Variants in DMXL2 observed in about 807,000 individuals in gnomAD.
DMXL2 encodes Dmx like 2, also known as dmX-like protein 2.
In DMXL2, 103 loss-of-function variants were observed where a neutral mutation model predicts 331.1. That is an observed-to-expected ratio of 0.31 (90% CI 0.27 to 0.37). The LOEUF is 0.37. Ranked by LOEUF, DMXL2 falls within the 10% of genes least tolerant of loss-of-function variation. DMXL2 has a pLI of 1.00. For synonymous variants in DMXL2, 1,281 were observed against 1,252.1 expected, an observed-to-expected ratio of 1.02 and a Z score of -0.49; for missense variants, 3,171 against 3,642.9, an observed-to-expected ratio of 0.87 and a Z score of 3.33.
At chr15:51,553,037 G>C (rs1415333598) in intron 6 of DMXL2, among the ~76,000 whole-genome samples, 1 of 152,172 alleles carries the variant, frequency 6.6e-6, no homozygotes, top group Non-Finnish European at 1.5e-5. Context: ...TCAATTCTCA[G>C]TTTAAAGGTT....
At chr15:51,597,184 AAAG>A (rs1328394965) in intron 1 of DMXL2, among the ~76,000 whole-genome samples, 1 of 152,196 alleles carries the variant, frequency 6.6e-6, no homozygotes, top group African/African-American at 2.4e-5. Flanking sequence ...CATCCTCCAC[AAAG>A]AATAAATTAA....
At chr15:51,544,940 T>G (rs888979613) in intron 8 of DMXL2, among the ~76,000 whole-genome samples, 1 of 152,034 alleles carries the variant, frequency 6.6e-6, no homozygotes, top group Non-Finnish European at 1.5e-5. Context: ...TTCTGACAAT[T>G]CAAAATAATG....
In DMXL2 at chr15:51,456,295, T is replaced by A. The variant is rs1413398114; in HGVS notation, c.8398+14A>T. The A allele has an allele frequency of 6.3e-7, 1 of 1,595,594 alleles. No homozygotes were observed. The highest frequency in any genetic ancestry group is 2.2e-5 in the East Asian group (1 of 44,796). On this transcript the variant is annotated intron_variant, in intron 38 of 43. Coordinates refer to ENST00000560891, the MANE Select transcript of DMXL2 (RefSeq NM_001378457.1). ...AATGAGGACACTTACAATTATTAGG[T>A]CATAAATACTTACAGTATTGATGGA...
Position 51,481,214 on chromosome 15 carries a change from C to G in DMXL2, c.5892G>C (p.Gln1964His), listed in dbSNP as rs2041984666. ...GTTCCTCATCAACTTTTACTATTGG[C>G]TGACTCCAGTCATACTGTGATGAAG... ...NVTSSQYDWSQPIVKVDEEPL... is the reference protein window; with the variant it reads ...NVTSSQYDWSHPIVKVDEEPL... The change falls in exon 24 of 44, where the codon CAG becomes CAC. Residue 1964 changes from glutamine to histidine, a missense_variant. Around this residue, in one of 7 missense-constraint regions of DMXL2, gnomAD observed 244 missense variants for 251.4 expected, o/e 0.97. Transcript: ENST00000560891. 6.2e-7 allele frequency: 1 copy of G among 1,613,826 alleles called. No individual in the cohort carries two copies. The highest frequency in any genetic ancestry group is 8.5e-7 in the Non-Finnish European group (1 of 1,179,908).
intron 22 of DMXL2, among the ~76,000 whole-genome samples, chr15:51,486,598 G>T (rs1045069464): frequency 1.3e-5 from 2 of 152,042 alleles, no homozygotes; most frequent in African/African-American, 4.8e-5. Flanking sequence ...TCAGACTTAA[G>T]ATCAACTTAA....
intron 19 of DMXL2, among the ~76,000 whole-genome samples, chr15:51,493,567 T>C (rs1329829589): frequency 6.6e-6 from 1 of 152,202 alleles, no homozygotes; most frequent in African/African-American, 2.4e-5. Context: ...TCAGCTTTTC[T>C]ATCTATGTAC....
At position 51,496,336 on chromosome 15, in the gene DMXL2, T is replaced by C. The variant is rs1187694493; in HGVS notation, c.4673-1202A>G. Among the ~76,000 whole-genome samples, 10 of 152,238 alleles carry C rather than the reference T, an allele frequency of 6.6e-5. No homozygotes were observed. In the East Asian group the frequency reaches 1.2e-3, roughly 18 times the overall value. The stretch of plus-strand genomic sequence containing the variant: ...AGGGAAATAAAGCAGGACTGAGAGA[T>C]AGGGAATGCTGGAGTAAGAGAGTTC... On this transcript the variant is annotated intron_variant, in intron 18 of 43. Transcript: ENST00000560891.
At position 51,554,324 on chromosome 15, in the gene DMXL2, A is replaced by G. The variant is rs1170037294; in HGVS notation, c.568-6916T>C. ...AAATATGAGTAACAAAAAAAAGACAAATCTGTGAGTTTTTTCAGTCAAATT... is the reference window on the plus strand; with the variant it reads ...AAATATGAGTAACAAAAAAAAGACAGATCTGTGAGTTTTTTCAGTCAAATT... On this transcript the variant is annotated intron_variant, in intron 6 of 43. Transcript: ENST00000560891. Among the ~76,000 whole-genome samples the G allele has an allele frequency of 6.6e-5, 10 of 152,320 alleles. No individual in the cohort carries two copies. In the South Asian group the frequency reaches 1.2e-3, roughly 19 times the overall value.
chr15:51,538,927 C>T (rs977882183), intron 9 of DMXL2, among the ~76,000 whole-genome samples: 1 of 152,090 alleles, frequency 6.6e-6, no homozygotes, highest in Non-Finnish European at 1.5e-5. Context: ...GAAAACATTT[C>T]GACCATGTGC....
intron 6 of DMXL2, among the ~76,000 whole-genome samples, chr15:51,556,170 C>T (rs906227754): frequency 2.6e-5 from 4 of 151,272 alleles, no homozygotes; most frequent in Non-Finnish European, 5.9e-5. Flanking sequence ...GGTGAAACCC[C>T]GTCTCTACTA....
intron 1 of DMXL2, among the ~76,000 whole-genome samples, chr15:51,589,687 A>G (rs1268508038): frequency 6.6e-6 from 1 of 152,230 alleles, no homozygotes. Context: ...TAGATAGCTA[A>G]ATGTACTTTT....
intron 1 of DMXL2, among the ~76,000 whole-genome samples, chr15:51,590,183 G>A (rs1415748857): frequency 1.8e-4 from 27 of 152,212 alleles, no homozygotes; most frequent in Admixed American, 1.8e-3. Flanking sequence ...AAGCTATGAT[G>A]TGGTCTGGCT....
At chr15:51,535,524 G>T in intron 13 of DMXL2, 139 bp downstream of exon 13, 1 of 642,522 alleles carries the variant, frequency 1.6e-6, no homozygotes, top group Non-Finnish European at 2.4e-6. Flanking sequence ...AAAAATAAAT[G>T]TGTCATATAT....
Position 51,448,972 on chromosome 15 carries a change from A to G in DMXL2, c.*12T>C. The G allele has an allele frequency of 6.2e-7, 1 of 1,613,036 alleles. No individual in the cohort carries two copies. Among genetic ancestry groups the G allele is most frequent in the Non-Finnish European group, 8.5e-7 (1 of 1,179,466 alleles). ...TTTAACTGAAATGTATATAAAAATA[A>G]AACCCCAATCTTTATAGAATGTCAA... On this transcript the variant is annotated 3_prime_UTR_variant, in exon 44 of 44. Transcript: ENST00000560891.
At chr15:51,576,792 G>C (rs985613076) in intron 1 of DMXL2, among the ~76,000 whole-genome samples, 3 of 151,898 alleles carry the variant, frequency 2.0e-5, no homozygotes, top group African/African-American at 7.3e-5. Context: ...CAGGCCTGAG[G>C]GAGAAAGGAA....
At chr15:51,543,120 T>C (rs989253209) in intron 8 of DMXL2, among the ~76,000 whole-genome samples, 2 of 152,214 alleles carry the variant, frequency 1.3e-5, no homozygotes, top group African/African-American at 2.4e-5. Flanking sequence ...ATGATTAAAA[T>C]TCTTCATTAG....
chr15:51,449,341 A>T (rs562360656), intron 43 of DMXL2, 148 bp from the exon 44 acceptor site: 2 of 669,930 alleles, frequency 3.0e-6, no homozygotes, highest in South Asian at 3.8e-5. Flanking sequence ...CTAAGTGGGA[A>T]ATGATAACAC....
At chr15:51,610,226 C>T (rs2053867192) in intron 1 of DMXL2, among the ~76,000 whole-genome samples, 1 of 152,080 alleles carries the variant, frequency 6.6e-6, no homozygotes, top group Non-Finnish European at 1.5e-5. Flanking sequence ...CAGATCAATT[C>T]ACCAAGAAGA....
chr15:51,478,176 A>AT (rs2041735679), intron 26 of DMXL2, 95 bp downstream of exon 26: 1 of 931,326 alleles, frequency 1.1e-6, no homozygotes, highest in Non-Finnish European at 1.6e-6. Context: ...ATATTTAGGG[A>AT]TTTTTCAGTC....
Sources: allele counts gnomAD v4.1 joint callset (sites outside exome capture counted in the v4.1 genomes callset), GRCh38; gene constraint gnomAD v4.1.1; regional missense constraint gnomAD v4.1.1; transcripts MANE v1.5; gene names NCBI Gene and HGNC (gene_info 2026-07-23, HGNC 2026-07-21).